CDH23: variants seen among roughly 807,000 people sequenced by gnomAD.
The protein encoded by CDH23 is cadherin-23.
A neutral mutation model predicts 317.1 loss-of-function variants in CDH23; 189 were observed. The ratio of observed to expected loss-of-function variants is 0.60; its 90% CI spans 0.53 to 0.67. The LOEUF is 0.67. Among genes scored for constraint, CDH23 ranks in the 30% least tolerant of loss-of-function variants. The pLI, the probability that CDH23 is intolerant of heterozygous loss-of-function variation, is 0.00. For synonymous variants in CDH23, 1,839 were observed against 1,876.8 expected, an observed-to-expected ratio of 0.98 and a Z score of 0.52; for missense variants, 4,401 against 4,592.4, an observed-to-expected ratio of 0.96 and a Z score of 1.20.
chr10:71,699,733 C>T (rs114506951), intron 22 of CDH23, among the ~76,000 whole-genome samples: 182 of 152,184 alleles, frequency 1.2e-3, no homozygotes, highest in African/African-American at 4.1e-3. Context: ...AAATGACGGG[C>T]GTGAAATGGG....
At chr10:71,732,715 A>G in intron 32 of CDH23, 1 of 1,242,708 alleles carries the variant, frequency 8.0e-7, no homozygotes, top group Non-Finnish European at 1.0e-6. Flanking sequence ...GATAAAGTTT[A>G]TACCTATGCA....
Position 71,724,247 on chromosome 10 carries a change from C to G in CDH23, c.3430+142C>G, listed in dbSNP as rs917665841. Reference sequence around the variant, plus strand: ...ATGGGGCGAGGCCAGAGGGAGGAAACAGGGACATTCTCCTTATTCACACCA... The same window carrying G: ...ATGGGGCGAGGCCAGAGGGAGGAAAGAGGGACATTCTCCTTATTCACACCA... On this transcript the variant is annotated intron_variant, in intron 29 of 69. Coordinates refer to ENST00000224721, the MANE Select transcript of CDH23 (RefSeq NM_022124.6). 15 of 801,336 alleles carry G rather than the reference C, an allele frequency of 1.9e-5. No homozygotes were observed. In the Middle Eastern group the frequency reaches 3.2e-3, roughly 168 times the overall value. The allele number at this position is 801,336 out of a possible 1,614,324, so 49.6% of individuals were successfully genotyped here. A position where few individuals can be genotyped will look rare whatever the true frequency, so the allele number is the denominator to read the frequency against.
intron 38 of CDH23, among the ~76,000 whole-genome samples, chr10:71,763,232 T>C (rs1198450045): frequency 2.0e-5 from 3 of 152,228 alleles, no homozygotes; most frequent in South Asian, 2.1e-4. Context: ...GACCTTGAAC[T>C]CCTGGCTTCA....
rs746779432 is a variant in CDH23 at position 71,510,162 on chromosome 10, C to A, written c.226C>A (p.Arg76Ser). 5 of 1,614,010 alleles carry A rather than the reference C, an allele frequency of 3.1e-6. No individual in the cohort carries two copies. The highest frequency in any genetic ancestry group is 3.4e-6 in the Non-Finnish European group (4 of 1,179,898). The change falls in exon 4 of 70, where the codon CGC becomes AGC. Residue 76 changes from arginine to serine, a missense_variant. This residue lies in a region of CDH23 where 3,068 missense variants were observed against 3,203.3 expected (regional missense o/e 0.96). Coordinates refer to ENST00000224721, the MANE Select transcript of CDH23 (RefSeq NM_022124.6). ...TGGCGTGTCTGGGGAGGAGGCCTCT[C>A]GCTTCTTTGCAGTGGAGCCTGACAC... Reference protein sequence around the residue: ...VFGVSGEEASRFFAVEPDTGV... With the variant: ...VFGVSGEEASSFFAVEPDTGV...
At chr10:71,806,079 A>T in intron 56 of CDH23, 82 bp downstream of exon 56, 1 of 1,534,218 alleles carries the variant, frequency 6.5e-7, no homozygotes, top group Non-Finnish European at 8.8e-7. Flanking sequence ...CGCCTCCTGG[A>T]AAGTCCCTAG....
At chr10:71,632,991 C>T (rs920861326) in intron 11 of CDH23, among the ~76,000 whole-genome samples, 7 of 152,200 alleles carry the variant, frequency 4.6e-5, no homozygotes, top group East Asian at 3.9e-4. Context: ...TGCAGAGTCA[C>T]GGGGTGGTGC....
chr10:71,718,714 AC>A (rs1866407992), intron 28 of CDH23, among the ~76,000 whole-genome samples: 1 of 152,150 alleles, frequency 6.6e-6, no homozygotes, highest in African/African-American at 2.4e-5. Flanking sequence ...GAATCTGGAG[AC>A]CCTACTGGGC....
chr10:71,810,333 T>C lies in CDH23; in HGVS notation c.8980-139T>C, dbSNP rs926789728. ...ATGAAGTGATTGGCACCGTGCCTGG[T>C]CCTCAGCAAACATTCAAACATTCAG... On this transcript the variant is annotated intron_variant, in intron 61 of 69. Transcript: ENST00000224721. The C allele has an allele frequency of 2.0e-4, 179 of 876,204 alleles. 1 individual carries two copies. Among genetic ancestry groups the C allele is most frequent in the Non-Finnish European group, 3.9e-5 (21 of 542,584 alleles). The allele number at this position is 876,204 out of a possible 1,614,324, so 54.3% of individuals were successfully genotyped here.
chr10:71,459,774 G>A (rs1322809173), intron 3 of CDH23, among the ~76,000 whole-genome samples: 8 of 152,204 alleles, frequency 5.3e-5, no homozygotes, highest in Admixed American at 2.0e-4. Flanking sequence ...CAGGCTGACT[G>A]CCTCCTGCTG....
rs571738064 is a variant in CDH23, at chr10:71,418,564, C to T, written c.-6+21246C>T. Reference sequence around the variant, plus strand: ...CTCACAGGAAGGCCAACATTCTGCCCGCTCTTCCATTCTCATTCTGTGCCA... The same window carrying T: ...CTCACAGGAAGGCCAACATTCTGCCTGCTCTTCCATTCTCATTCTGTGCCA... On this transcript the variant is annotated intron_variant, in intron 1 of 69. Coordinates refer to ENST00000224721, the MANE Select transcript of CDH23 (RefSeq NM_022124.6). Among the ~76,000 whole-genome samples, 123 of 152,302 alleles carry T rather than the reference C, an allele frequency of 8.1e-4. 1 individual carries two copies. Among genetic ancestry groups the T allele is most frequent in the African/African-American group, 2.7e-3 (114 of 41,566 alleles).
At chr10:71,791,044 C>G (rs1412543764) in intron 46 of CDH23, 88 bp from the exon 47 acceptor site, 4 of 1,037,274 alleles carry the variant, frequency 3.9e-6, no homozygotes, top group Non-Finnish European at 5.7e-6. Flanking sequence ...CCCTGTCTTT[C>G]TCTGCTCTCT....
In CDH23 at chr10:71,751,270, T is replaced by C; in HGVS notation, c.4845+9349T>C. On this transcript the variant is annotated intron_variant, in intron 38 of 69. Coordinates refer to ENST00000224721, the MANE Select transcript of CDH23 (RefSeq NM_022124.6). This position sits in a 1 kb window ranked among gnomAD's most constrained non-coding sequence, Gnocchi z 4.9. ...CAGCTGGGCTAGATGACCTCAAAGTTTGGAGAGTCAGGGACAGGGTCTGCA... is the reference window on the plus strand; with the variant it reads ...CAGCTGGGCTAGATGACCTCAAAGTCTGGAGAGTCAGGGACAGGGTCTGCA... The C allele has an allele frequency of 6.2e-7, 1 of 1,610,338 alleles. No individual in the cohort carries two copies. Among genetic ancestry groups the C allele is most frequent in the Non-Finnish European group, 8.5e-7 (1 of 1,178,038 alleles).
intron 34 of CDH23, among the ~76,000 whole-genome samples, chr10:71,735,128 CT>C (rs560120275): frequency 1.7e-3 from 253 of 152,358 alleles, no homozygotes; most frequent in Non-Finnish European, 2.6e-3. Flanking sequence ...GCAGATGTGA[CT>C]GCAGTGGGGC....
rs1226044894 is a variant in CDH23 at position 71,690,442 on chromosome 10, CT to C, written c.2060-25del. 4 of 1,539,026 alleles carry C rather than the reference CT, an allele frequency of 2.6e-6. No homozygotes were observed. The South Asian group carries it at 4.7e-5, about 18-fold the overall frequency. On this transcript the variant is annotated intron_variant, in intron 19 of 69. Transcript: ENST00000224721. ...AGGGGCCCAGGGTGAGCAGCACCCC[CT>C]GCCCCCACCTTTTTCCCCCTGAAGG...
rs199668532 is a variant in CDH23, at chr10:71,807,741, G to T, written c.8534G>T (p.Arg2845Leu). 6 of 1,606,364 alleles carry T rather than the reference G, an allele frequency of 3.7e-6. No individual in the cohort carries two copies. Among genetic ancestry groups the T allele is most frequent in the South Asian group, 3.3e-5 (3 of 89,778 alleles). Reference protein sequence around the residue: ...VLEDINDQPPRFTKAEYTAGV... With the variant: ...VLEDINDQPPLFTKAEYTAGV... ...GAGGACATCAACGACCAGCCACCAC[G>T]CTTCACCAAGGCTGAGTACACTGCA... The change falls in exon 59 of 70, where the codon CGC (arginine) becomes CTC (leucine). Residue 2845 changes from arginine (R) to leucine (L), a missense_variant. Physicochemically the swap from Arg to Leu is moderately radical, Grantham distance 102. Around this residue, in one of 3 missense-constraint regions of CDH23, gnomAD observed 1,144 missense variants for 1,138.2 expected, o/e 1.01. Coordinates refer to ENST00000224721, the MANE Select transcript of CDH23 (RefSeq NM_022124.6).
intron 11 of CDH23, among the ~76,000 whole-genome samples, chr10:71,625,033 C>T (rs910805346): frequency 6.6e-5 from 10 of 152,084 alleles, no homozygotes; most frequent in East Asian, 1.9e-4. Flanking sequence ...TGGGCACATC[C>T]GACTACAGCT....
chr10:71,738,368 G>T, intron 34 of CDH23, 130 bp from the exon 35 acceptor site: 2 of 1,055,774 alleles, frequency 1.9e-6, no homozygotes, highest in Non-Finnish European at 2.9e-6. Context: ...GCTTCGGTGG[G>T]CTCTGAGGGT....
At position 71,441,233 on chromosome 10, in the gene CDH23, A is replaced by AC. The variant is rs551998098; in HGVS notation, c.67+1341dup. 6.2e-3 allele frequency among the ~76,000 whole-genome samples: 933 copies of AC among 149,776 alleles called. 10 individuals are homozygous for AC. The highest frequency in any genetic ancestry group is 0.022 in the African/African-American group (902 of 40,630). ...CCATGGGGGCTTCTGTCAGGATATC[A>AC]CCCCCCTCACCCCGCTCCCCCCCTG... On this transcript the variant is annotated intron_variant, in intron 2 of 69. Transcript: ENST00000224721.
chr10:71,605,148 C>T (rs1023066859), intron 9 of CDH23, among the ~76,000 whole-genome samples: 5 of 151,858 alleles, frequency 3.3e-5, no homozygotes, highest in Non-Finnish European at 7.4e-5. Flanking sequence ...TGTGCAATTC[C>T]GCGGCATTAA....
Sources: allele counts gnomAD v4.1 joint callset (sites outside exome capture counted in the v4.1 genomes callset), GRCh38; gene constraint gnomAD v4.1.1; regional missense constraint gnomAD v4.1.1; non-coding constraint Gnocchi (gnomAD v3.1); transcripts MANE v1.5; gene names NCBI Gene and HGNC (gene_info 2026-07-23, HGNC 2026-07-21).